Variants in PLEKHD1 observed in about 807,000 individuals in gnomAD.
PLEKHD1 encodes the protein pleckstrin homology domain-containing family D member 1.
A neutral mutation model predicts 69.2 loss-of-function variants in PLEKHD1; 51 were observed. The ratio of observed to expected loss-of-function variants is 0.74; its 90% CI spans 0.59 to 0.93. The LOEUF (loss-of-function observed/expected upper bound fraction) is 0.93. Ranked by LOEUF, PLEKHD1 falls within the 40% of genes least tolerant of loss-of-function variation. The probability of loss-of-function intolerance (pLI) is 0.00; values close to 1 mark genes in which losing one functional copy is unlikely to be tolerated. For missense variants in PLEKHD1, 584 were observed against 641.0 expected, an observed-to-expected ratio of 0.91 and a Z score of 0.96; for synonymous variants, 236 against 244.7, an observed-to-expected ratio of 0.96 and a Z score of 0.33.
At chr14:69,502,944 A>G in intron 6 of PLEKHD1, 65 bp downstream of exon 6, 1 of 1,533,278 alleles carries the variant, frequency 6.5e-7, no homozygotes, top group Non-Finnish European at 8.8e-7. Flanking sequence ...AGCACTAGGG[A>G]ATGATGCAGG....
intron 5 of PLEKHD1, 99 bp downstream of exon 5, chr14:69,501,924 C>T: frequency 1.8e-6 from 2 of 1,094,662 alleles, no homozygotes; most frequent in South Asian, 1.6e-5. Context: ...GAGGGTCTCT[C>T]AGGTGGGGCT....
chr14:69,525,716 A>G (rs1883630054), intron 8 of PLEKHD1, among the ~76,000 whole-genome samples: 1 of 152,162 alleles, frequency 6.6e-6, no homozygotes, highest in South Asian at 2.1e-4. Context: ...TGCCGTCTCC[A>G]CTGGAAGGCA....
chr14:69,526,305 C>T (rs1406297222), intron 9 of PLEKHD1, among the ~76,000 whole-genome samples, 183 bp downstream of exon 9: 1 of 152,208 alleles, frequency 6.6e-6, no homozygotes, highest in African/African-American at 2.4e-5. Context: ...CTACCCAAAG[C>T]TGGCTTGATA....
rs914970800 is a variant in PLEKHD1, at chr14:69,485,097, G to A, written c.132G>A (p.Ser44=). 3.2e-6 allele frequency: 5 copies of A among 1,550,592 alleles called. No individual in the cohort carries two copies. Among genetic ancestry groups the A allele is most frequent in the Non-Finnish European group, 4.4e-6 (5 of 1,146,614 alleles). Reference sequence around the variant, plus strand: ...GGAAGAGGCCTTTCGGCAGGCCGTCGGCCAAGTGGTCCCGGCGGTGAGTGC... The same window carrying A: ...GGAAGAGGCCTTTCGGCAGGCCGTCAGCCAAGTGGTCCCGGCGGTGAGTGC... The part of the protein sequence containing the change: ...VLWKRPFGRP[S]AKWSRRFFII... The change falls in exon 1 of 13, where the codon TCG becomes TCA. Residue 44 remains serine, a synonymous_variant. Coordinates refer to ENST00000322564, the MANE Select transcript of PLEKHD1 (RefSeq NM_001161498.2).
intron 1 of PLEKHD1, among the ~76,000 whole-genome samples, chr14:69,489,663 G>A (rs1268000440): frequency 2.0e-5 from 3 of 150,756 alleles, no homozygotes; most frequent in Non-Finnish European, 4.4e-5. Flanking sequence ...CCAGCTGCAT[G>A]ATCCAGGCTG....
chr14:69,475,143 A>G, the PLEKHD1 span, among the ~76,000 whole-genome samples: 1 of 152,220 alleles, frequency 6.6e-6, no homozygotes, highest in South Asian at 2.1e-4. Context: ...GTGAACTGCT[A>G]ATTCTGTTCT....
At chr14:69,520,331 T>C (rs1477595214) in intron 6 of PLEKHD1, among the ~76,000 whole-genome samples, 1 of 152,076 alleles carries the variant, frequency 6.6e-6, no homozygotes, top group Non-Finnish European at 1.5e-5. Context: ...GTTTGTCGAA[T>C]CTGAGGCTAT....
Position 69,507,759 on chromosome 14 carries a change from C to A in PLEKHD1, c.555+4880C>A, listed in dbSNP as rs146269789. On this transcript the variant is annotated intron_variant, in intron 6 of 12. Coordinates refer to ENST00000322564, the MANE Select transcript of PLEKHD1 (RefSeq NM_001161498.2). ...ACAGAGTCTTGCTCTGTTGCCCAGA[C>A]TGGAGTGCAGTGGAGTGTGGCTCAC... Among the ~76,000 whole-genome samples, 11 of 152,324 alleles carry A rather than the reference C, an allele frequency of 7.2e-5. No homozygotes were observed. The East Asian group carries it at 2.1e-3, about 29-fold the overall frequency.
intron 6 of PLEKHD1, among the ~76,000 whole-genome samples, chr14:69,506,891 C>CTTTTTT (rs1162412450): frequency 0.015 from 1,187 of 78,030 alleles, 84 homozygotes; most frequent in African/African-American, 0.024. Context: ...CTGGCAACTG[C>CTTTTTT]TTTTTTTTTT....
intron 1 of PLEKHD1, among the ~76,000 whole-genome samples, chr14:69,493,112 C>T (rs983629741): frequency 1.3e-5 from 2 of 152,346 alleles, no homozygotes; most frequent in East Asian, 1.9e-4. Flanking sequence ...CACTCTTTCT[C>T]CTGCTTTTGA....
In PLEKHD1 at chr14:69,524,298, G is replaced by A. The variant is rs749370394; in HGVS notation, c.720G>A (p.Thr240=). The A allele has an allele frequency of 2.1e-5, 32 of 1,551,458 alleles. No homozygotes were observed. Among genetic ancestry groups the A allele is most frequent in the Middle Eastern group, 3.3e-4 (2 of 6,010 alleles). Residue 240 remains threonine (T), a synonymous_variant, in exon 8 of 13, where the codon ACG becomes ACA. Transcript: ENST00000322564. ...EQEKKELRHL[T]ESLQQTLEEL... is the part of the protein sequence containing the mutation. The stretch of plus-strand genomic sequence containing the variant: ...AGAAAAAGGAACTGAGGCACCTCAC[G>A]GAGTCCTTGCAGCAGACACTGGAGG...
intron 9 of PLEKHD1, 98 bp downstream of exon 9, chr14:69,526,220 A>C: frequency 8.1e-7 from 1 of 1,238,766 alleles, no homozygotes; most frequent in South Asian, 1.6e-5. Flanking sequence ...CTTGGCACTG[A>C]CCAAGTAGGA....
Position 69,531,287 on chromosome 14 carries a change from G to A in PLEKHD1, c.*2868G>A, listed in dbSNP as rs959282885. On this transcript the variant is annotated 3_prime_UTR_variant, in exon 13 of 13. Transcript: ENST00000322564. The stretch of plus-strand genomic sequence containing the variant: ...GCTTTTCCATGCACATTTACCAATC[G>A]ATACTTCCTCCTATTCTCACCCTGT... 2.0e-5 allele frequency: 3 copies of A among 152,226 alleles called. No homozygotes were observed. The highest frequency in any genetic ancestry group is 4.4e-5 in the Non-Finnish European group (3 of 68,022). The allele number at this position is 152,226 out of a possible 1,614,324, so 9.4% of individuals were successfully genotyped here. A position where few individuals can be genotyped will look rare whatever the true frequency, so the allele number is the denominator to read the frequency against.
At chr14:69,476,826 G>T in the PLEKHD1 span, among the ~76,000 whole-genome samples, 1 of 152,118 alleles carries the variant, frequency 6.6e-6, no homozygotes, top group Non-Finnish European at 1.5e-5. Flanking sequence ...TTTTCACGCT[G>T]CTGATAAAGC....
chr14:69,467,795 A>C, the PLEKHD1 span, among the ~76,000 whole-genome samples: 41 of 152,244 alleles, frequency 2.7e-4, no homozygotes, highest in African/African-American at 9.9e-4. Flanking sequence ...TTTGGGGGAG[A>C]TGGAGTTTCA....
chr14:69,482,925 AAG>A (rs1882570709), upstream of PLEKHD1, among the ~76,000 whole-genome samples: 1 of 151,756 alleles, frequency 6.6e-6, no homozygotes, highest in Non-Finnish European at 1.5e-5. Context: ...GAAAAAAAGA[AAG>A]AAAGAAAAAA....
chr14:69,497,923 C>T (rs1364355636), intron 1 of PLEKHD1, among the ~76,000 whole-genome samples: 1 of 152,098 alleles, frequency 6.6e-6, no homozygotes, highest in Admixed American at 6.5e-5. Context: ...TACAGTGGCT[C>T]AGCCTGTAAT....
chr14:69,528,281 G>A lies in PLEKHD1; in HGVS notation c.1383G>A (p.Gln461=). ...CGTCCCAGTCCTTCATGACCTCCCA[G>A]CTGGATGCCAACAACATGGAGGAGC... ...MKPSQSFMTS[Q]LDANNMEELK... is the part of the protein sequence containing the mutation. Residue 461 remains glutamine, a synonymous_variant, in exon 13 of 13, where the codon CAG becomes CAA. Coordinates refer to ENST00000322564, the MANE Select transcript of PLEKHD1 (RefSeq NM_001161498.2). The A allele has an allele frequency of 6.4e-7, 1 of 1,551,734 alleles. No homozygotes were observed. Among genetic ancestry groups the A allele is most frequent in the Non-Finnish European group, 8.7e-7 (1 of 1,146,996 alleles).
intron 1 of PLEKHD1, among the ~76,000 whole-genome samples, chr14:69,496,235 C>A (rs1261427624): frequency 6.6e-6 from 1 of 152,244 alleles, no homozygotes; most frequent in Admixed American, 6.5e-5. Context: ...ACCCACTTCC[C>A]AGCCCTGGCA....
Sources: gnomAD v4.1 joint callset for allele counts (sites outside exome capture counted in the v4.1 genomes callset) on GRCh38, gnomAD v4.1.1 for gene constraint, MANE v1.5 for transcripts, NCBI Gene and HGNC (gene_info 2026-07-23, HGNC 2026-07-21) for gene names.